Variants in TTC21B observed in about 807,000 individuals in gnomAD.
The protein encoded by TTC21B is tetratricopeptide repeat protein 21B.
Under a neutral mutation model 175.1 loss-of-function variants are expected in TTC21B, and 127 were observed. The ratio of observed to expected loss-of-function variants is 0.73; its 90% CI spans 0.63 to 0.84. The LOEUF (loss-of-function observed/expected upper bound fraction) is 0.84. Ranked by LOEUF, TTC21B falls within the 40% of genes least tolerant of loss-of-function variation. The pLI, the probability that TTC21B is intolerant of heterozygous loss-of-function variation, is 0.00. For missense variants in TTC21B, 1,561 were observed against 1,558.3 expected (o/e 1.00, Z -0.03); for synonymous variants, 524 against 524.5 (o/e 1.00, Z 0.01).
intron 13 of TTC21B, among the ~76,000 whole-genome samples, chr2:165,918,263 G>A (rs1426199209): frequency 6.6e-6 from 1 of 152,102 alleles, no homozygotes; most frequent in African/African-American, 2.4e-5. Flanking sequence ...CACTAGTCTT[G>A]AAAACCACTA....
At chr2:165,890,792 A>T (rs1187351187) in intron 23 of TTC21B, 46 bp downstream of exon 23, 1 of 1,592,676 alleles carries the variant, frequency 6.3e-7, no homozygotes, top group African/African-American at 1.3e-5. Flanking sequence ...CTTGATTTAC[A>T]ATGAGAAAAA....
chr2:165,939,435 G>T (rs1687285471), intron 6 of TTC21B, among the ~76,000 whole-genome samples: 1 of 152,004 alleles, frequency 6.6e-6, no homozygotes, highest in Non-Finnish European at 1.5e-5. Context: ...TGCATGAAAA[G>T]TTCTATTAAG....
At chr2:165,935,765 G>A (rs1687109982) in intron 6 of TTC21B, among the ~76,000 whole-genome samples, 1 of 152,098 alleles carries the variant, frequency 6.6e-6, no homozygotes, top group East Asian at 1.9e-4. Flanking sequence ...AACAAAATAT[G>A]TGCAAGATTT....
rs974800048 is a variant in TTC21B at position 165,924,462 on chromosome 2, C to T, written c.1516+87G>A. The T allele has an allele frequency of 3.2e-5, 41 of 1,298,168 alleles. 1 individual carries two copies. Among genetic ancestry groups the T allele is most frequent in the South Asian group, 7.5e-5 (6 of 80,068 alleles). The allele number at this position is 1,298,168 out of a possible 1,614,324, so 80.4% of individuals were successfully genotyped here. On this transcript the variant is annotated intron_variant, in intron 12 of 28. Transcript: ENST00000243344. ...AATGTACATTTTATGTGACTATTCT[C>T]TATATATACACAGTGCTTAATTTAT...
chr2:165,930,714 T>C (rs1217844243), intron 8 of TTC21B, among the ~76,000 whole-genome samples: 2 of 123,690 alleles, frequency 1.6e-5, no homozygotes, highest in African/African-American at 5.7e-5. Context: ...CATTATTTTA[T>C]GGTTACGTGG....
chr2:165,876,311 C>T, intron 27 of TTC21B, 79 bp from the exon 28 acceptor site: 1 of 896,106 alleles, frequency 1.1e-6, no homozygotes, highest in South Asian at 1.3e-5. Flanking sequence ...CCTCTCTTTG[C>T]TTACTCACTA....
At chr2:165,923,910 C>G (rs1309304004) in intron 12 of TTC21B, among the ~76,000 whole-genome samples, 2 of 142,062 alleles carry the variant, frequency 1.4e-5, no homozygotes, top group South Asian at 2.3e-4. Context: ...TGCCACCAAG[C>G]CCAGCTAATT....
intron 6 of TTC21B, among the ~76,000 whole-genome samples, chr2:165,936,235 G>A (rs1687136628): frequency 6.6e-6 from 1 of 152,006 alleles, no homozygotes; most frequent in Non-Finnish European, 1.5e-5. Flanking sequence ...TCAATAAATG[G>A]CACTGGAAAA....
At chr2:165,920,530 A>G (rs1410524021) in intron 12 of TTC21B, among the ~76,000 whole-genome samples, 2 of 152,186 alleles carry the variant, frequency 1.3e-5, no homozygotes, top group Admixed American at 1.3e-4. Flanking sequence ...ACAAAAAGGA[A>G]GAGTTAGGCA....
intron 3 of TTC21B, chr2:165,949,156 T>C: frequency 2.0e-6 from 1 of 503,106 alleles, no homozygotes; most frequent in South Asian, 2.5e-5. Flanking sequence ...TCTAAAAAAA[T>C]CCCTATGTAC....
chr2:165,918,268 C>A (rs1284653493), intron 13 of TTC21B, among the ~76,000 whole-genome samples: 1 of 152,152 alleles, frequency 6.6e-6, no homozygotes, highest in Non-Finnish European at 1.5e-5. Context: ...GTCTTGAAAA[C>A]CACTATCATA....
intron 22 of TTC21B, among the ~76,000 whole-genome samples, chr2:165,897,912 G>C (rs1363911989): frequency 6.6e-6 from 1 of 152,222 alleles, no homozygotes; most frequent in Non-Finnish European, 1.5e-5. Flanking sequence ...GACAGGTCAA[G>C]TCGGCAGAGA....
chr2:165,926,160 A>G (rs577039370), intron 11 of TTC21B, among the ~76,000 whole-genome samples: 2 of 152,320 alleles, frequency 1.3e-5, no homozygotes, highest in East Asian at 3.9e-4. Context: ...ATTACTTTCT[A>G]TCATGCTGGT....
chr2:165,890,393 C>T lies in TTC21B; in HGVS notation c.3263+86G>A. 3 of 1,296,482 alleles carry T rather than the reference C, an allele frequency of 2.3e-6. No homozygotes were observed. The South Asian group carries it at 3.8e-5, about 17-fold the overall frequency. 80.3% of individuals were successfully genotyped at this position (1,296,482 alleles called of 1,614,324 possible). On this transcript the variant is annotated intron_variant, in intron 24 of 28. Coordinates refer to ENST00000243344, the MANE Select transcript of TTC21B (RefSeq NM_024753.5). ...CATCTGACCTTTCATTATTGCTATC[C>T]TAAATTTAGTTCTTTTGTATAGTAT...
At chr2:165,874,863 T>C (rs750192609) in intron 28 of TTC21B, 31 bp from the exon 29 acceptor site, 1 of 1,594,430 alleles carries the variant, frequency 6.3e-7, no homozygotes, top group African/African-American at 1.3e-5. Flanking sequence ...CCATAAAAAC[T>C]TGTAACTAAT....
Position 165,924,671 on chromosome 2 carries a change from C to A in TTC21B, c.1394G>T (p.Ser465Ile). The A allele has an allele frequency of 1.2e-6, 2 of 1,613,458 alleles. No homozygotes were observed. Among genetic ancestry groups the A allele is most frequent in the Non-Finnish European group, 1.7e-6 (2 of 1,179,634 alleles). ...YLSFCPMQPA[S>I]PGQPLCPLLR... is the part of the protein sequence containing the mutation. Reference sequence around the variant, plus strand: ...AAGTGGACAAAGAGGTTGCCCAGGACTTGCAGGCTAAACAAAACAAATCAG... The same window carrying A: ...AAGTGGACAAAGAGGTTGCCCAGGAATTGCAGGCTAAACAAAACAAATCAG... Residue 465 changes from serine (S) to isoleucine (I), a missense_variant, in exon 12 of 29, where the codon AGT becomes ATT. Physicochemically the swap from Ser to Ile is moderately radical, Grantham distance 142. Coordinates refer to ENST00000243344, the MANE Select transcript of TTC21B (RefSeq NM_024753.5).
chr2:165,919,570 G>A, intron 12 of TTC21B, 137 bp from the exon 13 acceptor site: 2 of 896,136 alleles, frequency 2.2e-6, no homozygotes, highest in Non-Finnish European at 3.5e-6. Context: ...CATAGGCCAT[G>A]GTTTAATTCC....
chr2:165,884,061 AAAT>A, intron 25 of TTC21B, 43 bp from the exon 26 acceptor site: 1 of 1,494,294 alleles, frequency 6.7e-7, no homozygotes, highest in Non-Finnish European at 9.3e-7. Flanking sequence ...GCATAAACAT[AAAT>A]GCCCCAAAAA....
At chr2:165,949,548 A>C (rs746920798) in intron 2 of TTC21B, 44 bp from the exon 3 acceptor site, 1 of 1,613,820 alleles carries the variant, frequency 6.2e-7, no homozygotes, top group Non-Finnish European at 8.5e-7. Context: ...CTTAGTGCAA[A>C]GCAAGAATTT....
Sources: allele counts gnomAD v4.1 joint callset (sites outside exome capture counted in the v4.1 genomes callset), GRCh38; gene constraint gnomAD v4.1.1; transcripts MANE v1.5; gene names NCBI Gene and HGNC (gene_info 2026-07-23, HGNC 2026-07-21).